Variants in RPTOR observed in about 807,000 individuals in gnomAD.
The protein encoded by RPTOR is regulatory-associated protein of mTOR.
RPTOR carries 21 observed loss-of-function variants against 169.9 expected under a neutral mutation model. That is an observed-to-expected ratio of 0.12 (90% CI 0.09 to 0.18). The LOEUF is 0.18. RPTOR is among the 10% of genes least tolerant of loss of function. The pLI is 1.00. For missense variants in RPTOR, 1,133 were observed against 1,855.9 expected (o/e 0.61, Z 7.16); for synonymous variants, 732 against 753.2 (o/e 0.97, Z 0.46).
At chr17:80,702,180 T>G (rs1377220808) in intron 3 of RPTOR, among the ~76,000 whole-genome samples, 3 of 152,180 alleles carry the variant, frequency 2.0e-5, no homozygotes, top group Non-Finnish European at 4.4e-5. Flanking sequence ...GAGAAGGAAA[T>G]GAAATTTGGA....
chr17:80,867,772 T>TA (rs562979488), intron 13 of RPTOR, among the ~76,000 whole-genome samples: 10 of 150,406 alleles, frequency 6.6e-5, no homozygotes, highest in African/African-American at 1.2e-4. Context: ...ACAATACCAC[T>TA]AAAAAAAAAG....
intron 1 of RPTOR, among the ~76,000 whole-genome samples, chr17:80,584,516 G>A (rs1437656230): frequency 1.3e-5 from 2 of 151,728 alleles, no homozygotes; most frequent in Non-Finnish European, 2.9e-5. Context: ...CATCATCTGC[G>A]GATGGAGGGA....
intron 4 of RPTOR, among the ~76,000 whole-genome samples, chr17:80,711,006 T>C (rs2066185282): frequency 6.6e-6 from 1 of 152,234 alleles, no homozygotes; most frequent in Non-Finnish European, 1.5e-5. Context: ...GGAGAGTTTT[T>C]GACTTACTGA....
At chr17:80,639,156 T>C (rs12940068) in intron 2 of RPTOR, among the ~76,000 whole-genome samples, 28,096 of 151,702 alleles carry the variant, frequency 0.19, 2,992 homozygotes, top group East Asian at 0.28. Flanking sequence ...AGTAGCCCCT[T>C]TGCTATTATG....
At chr17:80,810,075 A>AT (rs2067258439) in intron 7 of RPTOR, among the ~76,000 whole-genome samples, 1 of 151,482 alleles carries the variant, frequency 6.6e-6, no homozygotes, top group Admixed American at 6.6e-5. Flanking sequence ...AAATAAATAA[A>AT]TAAATAAATA....
chr17:80,703,123 C>T (rs1027701981), intron 3 of RPTOR, among the ~76,000 whole-genome samples: 3 of 152,176 alleles, frequency 2.0e-5, no homozygotes, highest in African/African-American at 7.2e-5. Context: ...CTTTCCGTGC[C>T]TTTGTTCTTC....
chr17:80,685,199 G>GCACCTCATTCGGAGTCGCCCCC, intron 3 of RPTOR, among the ~76,000 whole-genome samples: 1 of 151,262 alleles, frequency 6.6e-6, no homozygotes, highest in Non-Finnish European at 1.5e-5. Context: ...ATTCAGGGTC[G>GCACCTCATTCGGAGTCGCCCCC]CTTGTTGCGT....
In RPTOR at chr17:80,947,868, C is replaced by T. The variant is rs1364568894; in HGVS notation, c.3265+517C>T. Among the ~76,000 whole-genome samples, 2 of 152,208 alleles carry T rather than the reference C, an allele frequency of 1.3e-5. No individual in the cohort carries two copies. The highest frequency in any genetic ancestry group is 1.5e-5 in the Non-Finnish European group (1 of 68,040). ...TGGTCGCTGACCAGTGGTTCATTGC[C>T]GTAGTGGGTCTCACTCAGGTTTTGG... On this transcript the variant is annotated intron_variant, in intron 27 of 33. Coordinates refer to ENST00000306801, the MANE Select transcript of RPTOR (RefSeq NM_020761.3). The surrounding 1 kb of genome is among the most constrained non-coding windows in gnomAD (Gnocchi z 4.4).
chr17:80,591,122 G>A (rs1014517231), intron 1 of RPTOR, among the ~76,000 whole-genome samples: 1 of 146,680 alleles, frequency 6.8e-6, no homozygotes, highest in African/African-American at 2.5e-5. Flanking sequence ...ATTCTGTACC[G>A]TGGTTTTGCC....
Position 80,947,326 on chromosome 17 carries a change from C to A in RPTOR, c.3240C>A (p.Asp1080Glu). 1 of 1,581,192 alleles carries A rather than the reference C, an allele frequency of 6.3e-7. No individual in the cohort carries two copies. The highest frequency in any genetic ancestry group is 1.2e-5 in the South Asian group (1 of 85,970). Residue 1080 changes from aspartate (D) to glutamate (E), a missense_variant, in exon 27 of 34, where the codon GAC (aspartate) becomes GAA (glutamate). Physicochemically the swap from Asp to Glu is conservative, Grantham distance 45. Coordinates refer to ENST00000306801, the MANE Select transcript of RPTOR (RefSeq NM_020761.3). The surrounding 1 kb of genome is among the most constrained non-coding windows in gnomAD (Gnocchi z 4.4). Reference protein sequence around the residue: ...VTAMEYLNGQDCSLLLTATDD... With the variant: ...VTAMEYLNGQECSLLLTATDD... ...CCATGGAGTATCTGAACGGCCAGGA[C>A]TGCTCGCTTCTGCTGACGGCCACAG...
At chr17:80,833,069 G>A (rs2067523894) in intron 9 of RPTOR, among the ~76,000 whole-genome samples, 1 of 150,230 alleles carries the variant, frequency 6.7e-6, no homozygotes, top group Admixed American at 6.7e-5. Flanking sequence ...CTGAAACCCT[G>A]CGTTTCTCTG....
intron 9 of RPTOR, among the ~76,000 whole-genome samples, chr17:80,836,981 C>A (rs1403976580): frequency 6.6e-6 from 1 of 152,106 alleles, no homozygotes; most frequent in South Asian, 2.1e-4. Context: ...TGGCATTGGG[C>A]GCCCTGAGCA....
chr17:80,734,106 G>A (rs1258702805), intron 5 of RPTOR, among the ~76,000 whole-genome samples: 1 of 152,260 alleles, frequency 6.6e-6, no homozygotes, highest in East Asian at 1.9e-4. Flanking sequence ...AATATTGCTC[G>A]CTCAGTGGCT....
At chr17:80,934,329 A>G (rs1433140819) in intron 24 of RPTOR, among the ~76,000 whole-genome samples, 1 of 151,780 alleles carries the variant, frequency 6.6e-6, no homozygotes, top group Non-Finnish European at 1.5e-5. Flanking sequence ...TAACCTGAAT[A>G]GTTCCTGTCT....
At chr17:80,755,162 G>C (rs1400992376) in intron 6 of RPTOR, among the ~76,000 whole-genome samples, 2 of 152,162 alleles carry the variant, frequency 1.3e-5, no homozygotes, top group Admixed American at 6.5e-5. Flanking sequence ...CAGACCCCAG[G>C]GCTGGGGGTT....
intron 20 of RPTOR, among the ~76,000 whole-genome samples, chr17:80,905,079 G>A (rs1461891372): frequency 6.6e-6 from 1 of 152,184 alleles, no homozygotes; most frequent in Non-Finnish European, 1.5e-5. Flanking sequence ...CGTGACAGCT[G>A]TGCATCCCCC....
chr17:80,682,110 C>CT (rs1023404405), intron 3 of RPTOR, among the ~76,000 whole-genome samples: 18 of 72,630 alleles, frequency 2.5e-4, no homozygotes, highest in African/African-American at 7.3e-4. Flanking sequence ...GATTAGGTCC[C>CT]CCCCCCCACC....
chr17:80,862,476 C>T (rs1182205842), intron 13 of RPTOR, among the ~76,000 whole-genome samples: 2 of 151,872 alleles, frequency 1.3e-5, no homozygotes, highest in African/African-American at 4.8e-5. Context: ...CCACCCCTAC[C>T]CCCCCATGAT....
At chr17:80,626,126 C>G (rs374491576) in intron 2 of RPTOR, among the ~76,000 whole-genome samples, 1 of 152,074 alleles carries the variant, frequency 6.6e-6, no homozygotes, top group South Asian at 2.1e-4. Context: ...GATCTTGGCT[C>G]ACAGTAACCT....
Sources: gnomAD v4.1 joint callset for allele counts (sites outside exome capture counted in the v4.1 genomes callset) on GRCh38, gnomAD v4.1.1 for gene constraint, Gnocchi (gnomAD v3.1) non-coding constraint, MANE v1.5 for transcripts, NCBI Gene and HGNC (gene_info 2026-07-23, HGNC 2026-07-21) for gene names.